Variants in LINGO2 observed in about 807,000 individuals in gnomAD.
LINGO2 encodes leucine-rich repeat and immunoglobulin-like domain-containing nogo receptor-interacting protein 2.
In LINGO2, 14 loss-of-function variants were observed where a neutral mutation model predicts 30.6. The observed-to-expected ratio is 0.46, with a 90% CI of 0.30 to 0.72. The LOEUF (loss-of-function observed/expected upper bound fraction) is 0.72. Ranked by LOEUF, LINGO2 falls within the 30% of genes least tolerant of loss-of-function variation. LINGO2 has a pLI of 0.07. For synonymous variants in LINGO2, 317 were observed against 288.5 expected (o/e 1.10, Z -1.00); for missense variants, 729 against 751.7 (o/e 0.97, Z 0.35).
At chr9:28,801,277 G>A in the LINGO2 span, among the ~76,000 whole-genome samples, 2 of 152,036 alleles carry the variant, frequency 1.3e-5, no homozygotes, top group African/African-American at 4.8e-5. Context: ...CAGCCTCAAG[G>A]TAGTGCTTTC....
the LINGO2 span, among the ~76,000 whole-genome samples, chr9:29,114,054 G>A: frequency 0.024 from 3,589 of 151,912 alleles, 154 homozygotes; most frequent in African/African-American, 0.083. Context: ...TTTGGGGAGA[G>A]TTTCTAGGGG....
the LINGO2 span, among the ~76,000 whole-genome samples, chr9:29,140,201 T>C: frequency 6.6e-6 from 1 of 151,922 alleles, no homozygotes; most frequent in South Asian, 2.1e-4. Context: ...CATTAACTAA[T>C]GGGACAAAAT....
chr9:29,187,608 T>A, the LINGO2 span, among the ~76,000 whole-genome samples: 577 of 152,322 alleles, frequency 3.8e-3, 3 homozygotes, highest in African/African-American at 0.013. Flanking sequence ...TTTCAAACTA[T>A]AACTTTGCAT....
At chr9:28,366,805 TA>T (rs1820695516) in intron 3 of LINGO2, among the ~76,000 whole-genome samples, 1 of 152,106 alleles carries the variant, frequency 6.6e-6, no homozygotes, top group Non-Finnish European at 1.5e-5. Context: ...ATTAATATTT[TA>T]AAAAGCCAAG....
the LINGO2 span, among the ~76,000 whole-genome samples, chr9:28,725,570 G>GAAAAAAAAAA: frequency 4.7e-5 from 4 of 85,712 alleles, no homozygotes; most frequent in South Asian, 3.8e-4. Flanking sequence ...GGAATAAAAA[G>GAAAAAAAAAA]AAAAAAAAAA....
rs10812728 is a variant in LINGO2, at chr9:28,031,716, C to A, written c.-86-19311G>T. 0.011 allele frequency among the ~76,000 whole-genome samples: 1,722 copies of A among 152,248 alleles called. 150 individuals carry two copies. The East Asian group carries it at 0.23, about 21-fold the overall frequency. ...TAAGCCGATTATTGTTTGTCCAGGG[C>A]TGATTGGGAATACCTGGGAGACCTC... On this transcript the variant is annotated intron_variant, in intron 4 of 5. Transcript: ENST00000379992.
chr9:28,241,602 C>T (rs1381587855), intron 4 of LINGO2, among the ~76,000 whole-genome samples: 1 of 152,108 alleles, frequency 6.6e-6, no homozygotes, highest in Non-Finnish European at 1.5e-5. Context: ...CAGTGTAGCA[C>T]ACCCCATCAC....
the LINGO2 span, among the ~76,000 whole-genome samples, chr9:28,748,825 A>C: frequency 6.6e-6 from 1 of 152,010 alleles, no homozygotes; most frequent in East Asian, 1.9e-4. Flanking sequence ...AAAAATAAAG[A>C]TGTAAAATAC....
At chr9:29,073,545 A>G in the LINGO2 span, among the ~76,000 whole-genome samples, 5 of 152,324 alleles carry the variant, frequency 3.3e-5, 1 homozygote, top group African/African-American at 1.2e-4. Context: ...AAGAAACTCA[A>G]ATTTAAGCGT....
At chr9:28,020,936 G>C (rs1823086563) in intron 4 of LINGO2, among the ~76,000 whole-genome samples, 1 of 151,724 alleles carries the variant, frequency 6.6e-6, no homozygotes, top group Non-Finnish European at 1.5e-5. Flanking sequence ...TATTATTTTT[G>C]GCTAGCCTGG....
At chr9:28,922,568 C>A in the LINGO2 span, among the ~76,000 whole-genome samples, 1 of 152,148 alleles carries the variant, frequency 6.6e-6, no homozygotes, top group African/African-American at 2.4e-5. Context: ...AAAATCATAT[C>A]TCAGTTATTT....
chr9:28,313,250 T>C (rs1564115737), intron 3 of LINGO2, among the ~76,000 whole-genome samples: 2 of 152,176 alleles, frequency 1.3e-5, no homozygotes, highest in Admixed American at 1.3e-4. Flanking sequence ...TTCAAAAGAA[T>C]GCTTTTCACA....
In LINGO2 at chr9:28,148,345, C is replaced by T. The variant is rs140430267; in HGVS notation, c.-86-135940G>A. ...CCAGGATGTTTGGACACCTCAGCCC[C>T]GTGAGGATTCCTCATCTCAGAGGCA... is the stretch of plus-strand genomic sequence containing the variant. On this transcript the variant is annotated intron_variant, in intron 4 of 5. Transcript: ENST00000379992. This position sits in a 1 kb window ranked among gnomAD's most constrained non-coding sequence, Gnocchi z 5.1. 11,726 of 960,068 alleles carry T rather than the reference C, an allele frequency of 0.012. 102 individuals are homozygous for T. Among genetic ancestry groups the T allele is most frequent in the Non-Finnish European group, 0.016 (9,896 of 621,642 alleles). The allele number at this position is 960,068 out of a possible 1,614,324, so 59.5% of individuals were successfully genotyped here.
At chr9:28,800,929 C>T in the LINGO2 span, among the ~76,000 whole-genome samples, 1 of 151,990 alleles carries the variant, frequency 6.6e-6, no homozygotes, top group East Asian at 1.9e-4. Flanking sequence ...TGGAAAGCCA[C>T]ACGTAAAAGC....
At chr9:28,860,101 AAT>A in the LINGO2 span, among the ~76,000 whole-genome samples, 1 of 152,224 alleles carries the variant, frequency 6.6e-6, no homozygotes, top group East Asian at 1.9e-4. Flanking sequence ...TTCCCATAGA[AAT>A]ATGTGGAAAA....
the LINGO2 span, among the ~76,000 whole-genome samples, chr9:28,732,728 A>C: frequency 3.3e-5 from 5 of 152,228 alleles, no homozygotes; most frequent in African/African-American, 4.8e-5. Flanking sequence ...TGCCCAGTGC[A>C]TTGTAACCAT....
In LINGO2 at chr9:28,085,095, C is replaced by T. The variant is rs550347038; in HGVS notation, c.-86-72690G>A. On this transcript the variant is annotated intron_variant, in intron 4 of 5. Transcript: ENST00000379992. Reference sequence around the variant, plus strand: ...GATGAGAACTCAGAGACAGAGAAAGCTCAAAAAACTTGCCTATGGTCCTAC... The same window carrying T: ...GATGAGAACTCAGAGACAGAGAAAGTTCAAAAAACTTGCCTATGGTCCTAC... Among the ~76,000 whole-genome samples the T allele has an allele frequency of 6.5e-4, 99 of 152,184 alleles. 1 individual carries two copies. Among genetic ancestry groups the T allele is most frequent in the African/African-American group, 2.3e-3 (95 of 41,534 alleles).
intron 1 of LINGO2, among the ~76,000 whole-genome samples, chr9:28,574,290 C>T (rs1451515234): frequency 2.0e-5 from 3 of 152,148 alleles, no homozygotes; most frequent in Non-Finnish European, 4.4e-5. Flanking sequence ...CCAGTAACAC[C>T]TTTGGATCTG....
chr9:28,821,675 T>G, the LINGO2 span, among the ~76,000 whole-genome samples: 1 of 152,186 alleles, frequency 6.6e-6, no homozygotes, highest in Non-Finnish European at 1.5e-5. Context: ...TGGGTATACT[T>G]GCTCTGGCAG....
Sources: allele counts gnomAD v4.1 joint callset (sites outside exome capture counted in the v4.1 genomes callset), GRCh38; gene constraint gnomAD v4.1.1; non-coding constraint Gnocchi (gnomAD v3.1); transcripts MANE v1.5; gene names NCBI Gene and HGNC (gene_info 2026-07-23, HGNC 2026-07-21).